ITGB3BP: variants seen among roughly 807,000 people sequenced by gnomAD.
ITGB3BP encodes the protein centromere protein R.
ITGB3BP carries 27 observed loss-of-function variants against 29.1 expected under a neutral mutation model. The ratio of observed to expected loss-of-function variants is 0.93; its 90% confidence interval spans 0.68 to 1.28. The LOEUF is 1.28. Among genes scored for constraint, ITGB3BP ranks in the 50% most tolerant of loss-of-function variants. The pLI is 0.00. For missense variants in ITGB3BP, 192 were observed against 200.2 expected, an observed-to-expected ratio of 0.96 and a Z score of 0.25; for synonymous variants, 61 against 61.4, an observed-to-expected ratio of 0.99 and a Z score of 0.03.
chr1:63,471,410 C>T (rs1570177167), intron 4 of ITGB3BP, among the ~76,000 whole-genome samples: 1 of 151,768 alleles, frequency 6.6e-6, no homozygotes, highest in South Asian at 2.1e-4. Flanking sequence ...CGCCACCATG[C>T]CTGGCTATTT....
chr1:63,477,182 C>G (rs1645354884), intron 4 of ITGB3BP, among the ~76,000 whole-genome samples: 1 of 152,128 alleles, frequency 6.6e-6, no homozygotes, highest in Admixed American at 6.5e-5. Context: ...CTCTTTGTCC[C>G]TAAAGTATTT....
chr1:63,504,480 T>C (rs1646022747), intron 2 of ITGB3BP, among the ~76,000 whole-genome samples: 1 of 150,472 alleles, frequency 6.6e-6, no homozygotes, highest in Non-Finnish European at 1.5e-5. Context: ...GACTTCCTTT[T>C]TTCCTAACTG....
Position 63,454,991 on chromosome 1 carries a change from T to C in ITGB3BP, c.255-23A>G. The C allele has an allele frequency of 8.3e-7, 1 of 1,204,222 alleles. No homozygotes were observed. Among genetic ancestry groups the C allele is most frequent in the South Asian group, 1.2e-5 (1 of 81,672 alleles). 74.6% of individuals were successfully genotyped at this position (1,204,222 alleles called of 1,614,324 possible). On this transcript the variant is annotated intron_variant, in intron 4 of 8. Coordinates refer to ENST00000271002, the MANE Select transcript of ITGB3BP (RefSeq NM_014288.5). The surrounding 1 kb of genome is among the most constrained non-coding windows in gnomAD (Gnocchi z 4.1). Reference sequence around the variant, plus strand: ...AATCTAGTAATAAAGAAAAAGACAATACTTAGCAAGGGGAAGCATTTAAAC... The same window carrying C: ...AATCTAGTAATAAAGAAAAAGACAACACTTAGCAAGGGGAAGCATTTAAAC...
chr1:63,482,512 G>C (rs1389335772), intron 3 of ITGB3BP, among the ~76,000 whole-genome samples: 2 of 152,006 alleles, frequency 1.3e-5, no homozygotes, highest in Admixed American at 1.3e-4. Context: ...TGTAGATCAA[G>C]TTGAGGCCTG....
intron 3 of ITGB3BP, among the ~76,000 whole-genome samples, chr1:63,489,191 C>T (rs1557636671): frequency 6.6e-6 from 1 of 151,796 alleles, no homozygotes; most frequent in Non-Finnish European, 1.5e-5. Context: ...ACATTCAAAA[C>T]TTTAAGATCT....
At chr1:63,521,269 A>C (rs9436242) in intron 1 of ITGB3BP, among the ~76,000 whole-genome samples, 59,810 of 151,340 alleles carry the variant, frequency 0.4, 13,580 homozygotes, top group Non-Finnish European at 0.52. Flanking sequence ...TAAAAAAAAA[A>C]AAAACACTTA....
chr1:63,460,002 T>C (rs1440453543), intron 4 of ITGB3BP, among the ~76,000 whole-genome samples: 2 of 151,972 alleles, frequency 1.3e-5, no homozygotes, highest in Non-Finnish European at 2.9e-5. Context: ...ATAAATAAAA[T>C]TGACATTCTT....
At chr1:63,446,672 G>A in intron 8 of ITGB3BP, 134 bp downstream of exon 8, 1 of 660,368 alleles carries the variant, frequency 1.5e-6, no homozygotes, top group Non-Finnish European at 2.7e-6. Flanking sequence ...TTCAACTAAA[G>A]CTCCAAAGCT....
At chr1:63,458,153 T>A (rs2100521705) in intron 4 of ITGB3BP, 1 of 152,274 alleles carries the variant, frequency 6.6e-6, no homozygotes. Context: ...AAGCATTGGA[T>A]GTATCCATTA....
intron 2 of ITGB3BP, among the ~76,000 whole-genome samples, chr1:63,501,448 G>C (rs143198763): frequency 2.0e-5 from 3 of 152,184 alleles, no homozygotes; most frequent in East Asian, 3.9e-4. Context: ...TGGTTTCCAG[G>C]GGGAGGGGGA....
At chr1:63,455,745 C>A (rs905513712) in intron 4 of ITGB3BP, among the ~76,000 whole-genome samples, 1 of 152,020 alleles carries the variant, frequency 6.6e-6, no homozygotes, top group African/African-American at 2.4e-5. Context: ...GTTGCTTTTC[C>A]AATTTTAAGA....
At chr1:63,461,395 A>G (rs1645016943) in intron 4 of ITGB3BP, among the ~76,000 whole-genome samples, 1 of 151,572 alleles carries the variant, frequency 6.6e-6, no homozygotes, top group South Asian at 2.1e-4. Context: ...ATTTGAAAAT[A>G]TTTTCTCCCA....
intron 2 of ITGB3BP, among the ~76,000 whole-genome samples, chr1:63,498,737 C>T (rs1346295684): frequency 6.7e-6 from 1 of 148,674 alleles, no homozygotes; most frequent in Admixed American, 6.7e-5. Flanking sequence ...GGAGAAAAAA[C>T]AACAGATATT....
At chr1:63,524,566 A>G (rs1646546666), upstream of ITGB3BP, among the ~76,000 whole-genome samples, 1 of 152,214 alleles carries the variant, frequency 6.6e-6, no homozygotes, top group Non-Finnish European at 1.5e-5. Flanking sequence ...GTGTTATCTT[A>G]TTATTGAACT....
chr1:63,453,021 C>G (rs1334222077), intron 7 of ITGB3BP, among the ~76,000 whole-genome samples: 1 of 152,122 alleles, frequency 6.6e-6, no homozygotes, highest in Admixed American at 6.5e-5. Context: ...AATGAAAAGA[C>G]CAGAGTTTTT....
At chr1:63,447,983 G>A (rs555252326) in intron 7 of ITGB3BP, among the ~76,000 whole-genome samples, 2 of 152,028 alleles carry the variant, frequency 1.3e-5, no homozygotes, top group Admixed American at 1.3e-4. Flanking sequence ...TATACACCAT[G>A]GAATACTATG....
intron 2 of ITGB3BP, among the ~76,000 whole-genome samples, chr1:63,506,369 G>C (rs1402002968): frequency 6.6e-6 from 1 of 152,090 alleles, no homozygotes; most frequent in Non-Finnish European, 1.5e-5. Context: ...AATTGGCAGT[G>C]GCAAGAGAAA....
At chr1:63,521,890 C>T (rs1265019216) in intron 1 of ITGB3BP, among the ~76,000 whole-genome samples, 1 of 152,240 alleles carries the variant, frequency 6.6e-6, no homozygotes, top group Non-Finnish European at 1.5e-5. Context: ...AAATACACCT[C>T]TGTTTTCACT....
chr1:63,500,539 A>C (rs1279836979), intron 2 of ITGB3BP, among the ~76,000 whole-genome samples: 1 of 152,244 alleles, frequency 6.6e-6, no homozygotes, highest in Non-Finnish European at 1.5e-5. Context: ...TAATAGCATA[A>C]AAAGAATAAA....
Sources: gnomAD v4.1 joint callset for allele counts (sites outside exome capture counted in the v4.1 genomes callset) on GRCh38, gnomAD v4.1.1 for gene constraint, Gnocchi (gnomAD v3.1) non-coding constraint, MANE v1.5 for transcripts, NCBI Gene and HGNC (gene_info 2026-07-23, HGNC 2026-07-21) for gene names.